The following TTC27 variants were observed in gnomAD, a reference collection of about 807,000 sequenced individuals.
TTC27 encodes tetratricopeptide repeat protein 27.
In TTC27, 79 loss-of-function variants were observed where a neutral mutation model predicts 115.9. The ratio of observed to expected loss-of-function variants is 0.68; its 90% CI spans 0.57 to 0.82. The LOEUF (loss-of-function observed/expected upper bound fraction) is 0.82, where lower values mean the gene tolerates loss of function less well. Ranked by LOEUF, TTC27 falls within the 40% of genes least tolerant of loss-of-function variation. The pLI is 0.00. For synonymous variants in TTC27, 401 were observed against 356.0 expected (o/e 1.13, Z -1.42); for missense variants, 1,054 against 993.1 (o/e 1.06, Z -0.82).
chr2:32,666,064 C>A (rs910168645), intron 6 of TTC27, among the ~76,000 whole-genome samples: 6 of 152,140 alleles, frequency 3.9e-5, no homozygotes, highest in African/African-American at 9.7e-5. Flanking sequence ...TGTAATCTGA[C>A]CTTGTCCAGA....
At chr2:32,708,548 T>G (rs1232461277) in intron 10 of TTC27, among the ~76,000 whole-genome samples, 1 of 152,052 alleles carries the variant, frequency 6.6e-6, no homozygotes, top group Non-Finnish European at 1.5e-5. Flanking sequence ...GACCTCATGA[T>G]CCACCTGCCT....
intron 13 of TTC27, among the ~76,000 whole-genome samples, chr2:32,774,982 T>C (rs555319358): frequency 8.9e-4 from 135 of 152,340 alleles, no homozygotes; most frequent in African/African-American, 3.2e-3. Context: ...TTAAGTCATC[T>C]GTCTGATTTT....
intron 10 of TTC27, among the ~76,000 whole-genome samples, chr2:32,723,280 C>T (rs1002763265): frequency 2.0e-5 from 3 of 152,108 alleles, no homozygotes; most frequent in Non-Finnish European, 4.4e-5. Context: ...TACATCTTAA[C>T]ATCCTTACGC....
At chr2:32,757,124 C>T (rs1669260744) in intron 12 of TTC27, among the ~76,000 whole-genome samples, 1 of 152,098 alleles carries the variant, frequency 6.6e-6, no homozygotes, top group South Asian at 2.1e-4. Flanking sequence ...AGGTTTTAAG[C>T]AGTGCCTATT....
intron 12 of TTC27, among the ~76,000 whole-genome samples, chr2:32,747,317 C>T (rs922988877): frequency 1.3e-5 from 2 of 152,122 alleles, no homozygotes; most frequent in African/African-American, 2.4e-5. Flanking sequence ...ACAAACCCAT[C>T]GTAAGTTGAA....
chr2:32,758,555 C>G (rs973963568), intron 13 of TTC27, 36 bp downstream of exon 13: 1 of 1,581,994 alleles, frequency 6.3e-7, no homozygotes, highest in Admixed American at 1.7e-5. Context: ...GCTCTCAGCG[C>G]TTGTGCTGTT....
intron 11 of TTC27, among the ~76,000 whole-genome samples, chr2:32,734,350 A>G (rs1302321588): frequency 6.6e-6 from 1 of 152,194 alleles, no homozygotes; most frequent in African/African-American, 2.4e-5. Context: ...CTGGGACTAC[A>G]GATGTGCACT....
intron 19 of TTC27, among the ~76,000 whole-genome samples, chr2:32,818,006 G>A (rs71446089): frequency 0.014 from 2,159 of 151,544 alleles, 26 homozygotes; most frequent in South Asian, 0.042. Context: ...GCAGTGAGCC[G>A]AAATTGCACC....
intron 5 of TTC27, among the ~76,000 whole-genome samples, chr2:32,661,917 CT>C (rs1443899060): frequency 6.6e-6 from 1 of 152,054 alleles, no homozygotes; most frequent in Non-Finnish European, 1.5e-5. Flanking sequence ...TCATAAATAT[CT>C]CTTACTATTT....
At position 32,666,618 on chromosome 2, in the gene TTC27, T is replaced by C; in HGVS notation, c.806-17T>C. The C allele has an allele frequency of 1.2e-6, 2 of 1,613,416 alleles. No individual in the cohort carries two copies. The highest frequency in any genetic ancestry group is 1.1e-5 in the South Asian group (1 of 91,014). On this transcript the variant is annotated splice_polypyrimidine_tract_variant and intron_variant, in intron 6 of 19. Coordinates refer to ENST00000317907, the MANE Select transcript of TTC27 (RefSeq NM_017735.5). Reference sequence around the variant, plus strand: ...CTCATGGGTAAGTCAGTAGATATAATTTTATTGTTTTTTCAGGTGCTTTGG... The same window carrying C: ...CTCATGGGTAAGTCAGTAGATATAACTTTATTGTTTTTTCAGGTGCTTTGG...
chr2:32,741,684 A>AC (rs34990745), intron 12 of TTC27, among the ~76,000 whole-genome samples: 7,006 of 150,442 alleles, frequency 0.047, 384 homozygotes, highest in African/African-American at 0.14. Context: ...AACAACAACA[A>AC]AAAAACAGCT....
At chr2:32,722,910 GC>G (rs1667974630) in intron 10 of TTC27, among the ~76,000 whole-genome samples, 1 of 152,234 alleles carries the variant, frequency 6.6e-6, no homozygotes, top group South Asian at 2.1e-4. Context: ...AAGAAAGGGG[GC>G]TGCCAAGAGC....
At chr2:32,683,635 A>G (rs1666520868) in intron 9 of TTC27, among the ~76,000 whole-genome samples, 1 of 152,210 alleles carries the variant, frequency 6.6e-6, no homozygotes, top group Middle Eastern at 3.2e-3. Flanking sequence ...GAGATATTAT[A>G]TCTGCATGTT....
chr2:32,640,306 A>G lies in TTC27; in HGVS notation c.433A>G (p.Thr145Ala). The change falls in exon 4 of 20, where the codon ACT becomes GCT. Residue 145 changes from threonine to alanine, a missense_variant. Physicochemically the swap from Thr to Ala is moderately conservative, Grantham distance 58 (BLOSUM62 0). Transcript: ENST00000317907. ...GGATGCATTTGTTCTGAGCCTGCTC[A>G]CTCTAGATGGTGAATCAATCTACAG... ...GLDAFVLSLL[T>A]LDGESIYSLT... The G allele has an allele frequency of 1.2e-6, 2 of 1,614,068 alleles. No homozygotes were observed. Among genetic ancestry groups the G allele is most frequent in the Middle Eastern group, 1.7e-4 (1 of 6,060 alleles).
At chr2:32,807,723 C>T (rs1671178458) in intron 16 of TTC27, among the ~76,000 whole-genome samples, 1 of 152,080 alleles carries the variant, frequency 6.6e-6, no homozygotes, top group South Asian at 2.1e-4. Context: ...ATCATGATCT[C>T]TCCTGCCTTC....
At chr2:32,678,569 A>G (rs1666303295) in intron 8 of TTC27, among the ~76,000 whole-genome samples, 2 of 151,954 alleles carry the variant, frequency 1.3e-5, no homozygotes, top group African/African-American at 2.4e-5. Flanking sequence ...CTGGGACTAC[A>G]GGTACTTGCC....
intron 12 of TTC27, among the ~76,000 whole-genome samples, chr2:32,755,667 A>G (rs1055234674): frequency 3.3e-5 from 5 of 151,710 alleles, no homozygotes; most frequent in Non-Finnish European, 5.9e-5. Flanking sequence ...GCCATTCTAC[A>G]TTCTAATTCA....
chr2:32,687,228 T>C (rs1161915362), intron 9 of TTC27, among the ~76,000 whole-genome samples: 1 of 152,206 alleles, frequency 6.6e-6, no homozygotes, highest in Non-Finnish European at 1.5e-5. Context: ...CTACATTTTA[T>C]GTGAAGGATT....
At chr2:32,664,199 A>C in intron 5 of TTC27, 104 bp from the exon 6 acceptor site, 2 of 993,764 alleles carry the variant, frequency 2.0e-6, no homozygotes, top group Non-Finnish European at 2.8e-6. Context: ...ATTTAACAAC[A>C]GAGACTATGT....
Sources: allele counts gnomAD v4.1 joint callset (sites outside exome capture counted in the v4.1 genomes callset), GRCh38; gene constraint gnomAD v4.1.1; transcripts MANE v1.5; gene names NCBI Gene and HGNC (gene_info 2026-07-23, HGNC 2026-07-21).